The following PARP4 variants were observed in gnomAD, a reference collection of about 807,000 sequenced individuals.
The protein encoded by PARP4 is poly(ADP-ribose) polymerase family member 4.
In PARP4, 120 loss-of-function variants were observed where a neutral mutation model predicts 187.7. The observed-to-expected ratio is 0.64, with a 90% CI of 0.55 to 0.74. The LOEUF (loss-of-function observed/expected upper bound fraction) is 0.74. PARP4 is among the 30% of genes least tolerant of loss of function. The probability of loss-of-function intolerance (pLI) is 0.00; values close to 1 mark genes in which losing one functional copy is unlikely to be tolerated. For synonymous variants in PARP4, 654 were observed against 740.9 expected (o/e 0.88, Z 1.90); for missense variants, 1,836 against 2,070.5 (o/e 0.89, Z 2.20).
rs762311169 is a variant in PARP4, at chr13:24,501,712, T to A, written c.255A>T (p.Arg85Ser). The A allele has an allele frequency of 6.2e-6, 10 of 1,612,488 alleles. No homozygotes were observed. Among genetic ancestry groups the A allele is most frequent in the Non-Finnish European group, 8.5e-6 (10 of 1,178,786 alleles). ...DFIWKSIREK[R>S]LLDVKNYDPY... ...GATCATAATTCTTTACATCCAAGAG[T>A]CTCTTTTCCCTGATAGATTTCCATA... The change falls in exon 3 of 34, where the codon AGA becomes AGT. Residue 85 changes from arginine (R) to serine (S), a missense_variant. Transcript: ENST00000381989.
chr13:24,456,591 G>A (rs1057444228), intron 20 of PARP4, 113 bp from the exon 21 acceptor site: 19 of 948,190 alleles, frequency 2.0e-5, no homozygotes, highest in Non-Finnish European at 2.6e-5. Flanking sequence ...ACTCTATTAA[G>A]AATCAACAAA....
At chr13:24,487,560 G>A (rs1873633757) in intron 10 of PARP4, among the ~76,000 whole-genome samples, 1 of 152,174 alleles carries the variant, frequency 6.6e-6, no homozygotes, top group African/African-American at 2.4e-5. Flanking sequence ...ACAGAACATG[G>A]TTATGTGGGG....
Position 24,435,580 on chromosome 13 carries a change from G to A in PARP4, c.3667-106C>T, listed in dbSNP as rs1475301938. 7.7e-6 allele frequency: 9 copies of A among 1,175,448 alleles called. No homozygotes were observed. In the Admixed American group the frequency reaches 9.6e-5, roughly 12 times the overall value. The allele number at this position is 1,175,448 out of a possible 1,614,324, so 72.8% of individuals were successfully genotyped here. A position where few individuals can be genotyped will look rare whatever the true frequency, so the allele number is the denominator to read the frequency against. On this transcript the variant is annotated intron_variant, in intron 30 of 33. Coordinates refer to ENST00000381989, the MANE Select transcript of PARP4 (RefSeq NM_006437.4). ...TTGACTTCCCACCCATCAGGCAGTT[G>A]CTCATCCAGAATCAGGATCATCAAT...
chr13:24,424,168 T>TA (rs1327464696), intron 33 of PARP4, among the ~76,000 whole-genome samples: 1 of 152,196 alleles, frequency 6.6e-6, no homozygotes, highest in Non-Finnish European at 1.5e-5. Flanking sequence ...AACTTTTTCT[T>TA]AATCATGACA....
intron 15 of PARP4, 34 bp from the exon 16 acceptor site, chr13:24,470,059 G>A (rs1872666624): frequency 2.5e-6 from 4 of 1,569,650 alleles, no homozygotes; most frequent in Non-Finnish European, 2.6e-6. Context: ...CAATTGATGA[G>A]ACCACATGGA....
intron 28 of PARP4, among the ~76,000 whole-genome samples, chr13:24,443,373 C>G (rs576895389): frequency 1.3e-5 from 2 of 152,036 alleles, no homozygotes; most frequent in African/African-American, 4.8e-5. Flanking sequence ...AGGCACTCAG[C>G]GAGTGTTCTC....
chr13:24,478,021 T>C (rs1873074276), intron 13 of PARP4, 72 bp downstream of exon 13: 2 of 1,230,044 alleles, frequency 1.6e-6, no homozygotes, highest in Non-Finnish European at 2.3e-6. Flanking sequence ...TTAATGAAAA[T>C]AGGAGCAAAA....
intron 6 of PARP4, among the ~76,000 whole-genome samples, 174 bp downstream of exon 6, chr13:24,497,942 T>C (rs1392100700): frequency 6.6e-6 from 1 of 152,236 alleles, no homozygotes; most frequent in African/African-American, 2.4e-5. Flanking sequence ...TTCCAGCTTT[T>C]TGCACTGTGA....
intron 33 of PARP4, among the ~76,000 whole-genome samples, chr13:24,425,550 T>C (rs1455266061): frequency 1.9e-5 from 1 of 51,798 alleles, no homozygotes. Context: ...TGCATGTGTG[T>C]GTGTGTGTGT....
rs762830828 is a variant in PARP4 at position 24,455,037 on chromosome 13, T to C, written c.2738A>G (p.Asn913Ser). Residue 913 changes from asparagine (N) to serine (S), a missense_variant, in exon 22 of 34, where the codon AAT becomes AGT. Around this residue, in one of 8 missense-constraint regions of PARP4, gnomAD observed 1,147 missense variants for 1,214.2 expected, o/e 0.94. Coordinates refer to ENST00000381989, the MANE Select transcript of PARP4 (RefSeq NM_006437.4). The part of the protein sequence containing the change: ...LSLVGEKQKV[N>S]IIQFGTGYKE... ...CTCACCTGTGCCGAACTGGATAATA[T>C]TTACTTTCTGCTTCTCACCCACCAA... 5 of 1,608,578 alleles carry C rather than the reference T, an allele frequency of 3.1e-6. No homozygotes were observed. In the African/African-American group the frequency reaches 6.7e-5, roughly 21 times the overall value.
chr13:24,475,579 C>T lies in PARP4; in HGVS notation c.1807G>A (p.Ala603Thr). The T allele has an allele frequency of 6.2e-7, 1 of 1,614,136 alleles. No individual in the cohort carries two copies. The change falls in exon 15 of 34, where the codon GCC (alanine) becomes ACC (threonine). Residue 603 changes from alanine (A) to threonine (T), a missense_variant. Around this residue, in one of 8 missense-constraint regions of PARP4, gnomAD observed 1,147 missense variants for 1,214.2 expected, o/e 0.94. Transcript: ENST00000381989. ...SKVEDYQLPD[A>T]KTSSSTKAGL... is the part of the protein sequence containing the mutation. ...GCCTTGGTGCTGCTGGAAGTTTTGG[C>T]ATCTGGTAACTGGTAATCTAAACGT... is the stretch of plus-strand genomic sequence containing the variant.
At chr13:24,468,684 A>G (rs1872595641) in intron 17 of PARP4, among the ~76,000 whole-genome samples, 2 of 152,198 alleles carry the variant, frequency 1.3e-5, no homozygotes, top group African/African-American at 4.8e-5. Flanking sequence ...GATTACAGGC[A>G]TAAGTCATTG....
At chr13:24,510,423 G>A (rs1354252126) in intron 1 of PARP4, among the ~76,000 whole-genome samples, 6 of 151,350 alleles carry the variant, frequency 4.0e-5, no homozygotes, top group South Asian at 2.1e-4. Flanking sequence ...GCGTAGTGGC[G>A]GGTGCCTGTA....
rs1870328409 is a variant in PARP4, at chr13:24,431,439, AT to A, written c.4783del (p.Ile1595TyrfsTer2). On this transcript the variant is annotated frameshift_variant, in exon 32 of 34. Transcript: ENST00000381989. LOFTEE classifies it high-confidence loss of function. Reference sequence around the variant, plus strand: ...CAAACCATTTGTATTAAGATTTAATATAAGTCCCAGTTCTGGTGTAAGTTTC... The same window carrying A: ...CAAACCATTTGTATTAAGATTTAATAAAGTCCCAGTTCTGGTGTAAGTTTC... Reference protein sequence around the residue: ...FWKLTPELGLILNLNTNGLHS... With the variant: ...FWKLTPELGLXLNLNTNGLHS... 2 of 1,600,618 alleles carry A rather than the reference AT, an allele frequency of 1.2e-6. No individual in the cohort carries two copies. Among genetic ancestry groups the A allele is most frequent in the Non-Finnish European group, 1.7e-6 (2 of 1,175,654 alleles).
At chr13:24,452,320 C>A (rs544234551) in intron 24 of PARP4, 86 bp downstream of exon 24, 1 of 1,106,450 alleles carries the variant, frequency 9.0e-7, no homozygotes, top group Admixed American at 2.2e-5. Context: ...CTAGTGTCAA[C>A]TTCCAAGCTT....
In PARP4 at chr13:24,432,902, G is replaced by C. The variant is rs1432785619; in HGVS notation, c.4747-1426C>G. 8.5e-5 allele frequency among the ~76,000 whole-genome samples: 13 copies of C among 152,148 alleles called. No homozygotes were observed. The East Asian group carries it at 1.9e-3, about 23-fold the overall frequency. On this transcript the variant is annotated intron_variant, in intron 31 of 33. Coordinates refer to ENST00000381989, the MANE Select transcript of PARP4 (RefSeq NM_006437.4). ...AACCAACACAGGGAGTAGAAAGCAG[G>C]GTGTGGTCCTAGGCAGGTGCACAGG...
intron 17 of PARP4, among the ~76,000 whole-genome samples, chr13:24,466,796 C>CAAAA (rs34197201): frequency 1.1e-5 from 1 of 90,854 alleles, no homozygotes; most frequent in African/African-American, 4.7e-5. Context: ...GACTCTGTCT[C>CAAAA]AAAAAAAAAA....
chr13:24,452,387 C>T lies in PARP4; in HGVS notation c.3014+19G>A, dbSNP rs576866393. The T allele has an allele frequency of 3.7e-6, 6 of 1,600,938 alleles. No individual in the cohort carries two copies. Among genetic ancestry groups the T allele is most frequent in the African/African-American group, 1.3e-5 (1 of 74,680 alleles). On this transcript the variant is annotated intron_variant, in intron 24 of 33. Transcript: ENST00000381989. ...CTCCCCGTGGGTCTGGACTATGTGA[C>T]CAGCTCTCTGAGACTCACCCGATAC...
intron 1 of PARP4, among the ~76,000 whole-genome samples, chr13:24,507,996 CTT>C (rs1336236448): frequency 1.3e-5 from 2 of 152,158 alleles, no homozygotes; most frequent in Non-Finnish European, 1.5e-5. Flanking sequence ...ACTGAAGTCT[CTT>C]GATGTAATTC....
Sources: gnomAD v4.1 joint callset for allele counts (sites outside exome capture counted in the v4.1 genomes callset) on GRCh38, gnomAD v4.1.1 for gene constraint, gnomAD v4.1.1 regional missense constraint, MANE v1.5 for transcripts, NCBI Gene and HGNC (gene_info 2026-07-23, HGNC 2026-07-21) for gene names.